Variants in LPP observed in about 807,000 individuals in gnomAD.
LPP encodes LIM domain containing preferred translocation partner in lipoma.
In LPP, 38 loss-of-function variants were observed where a neutral mutation model predicts 60.4. The observed-to-expected ratio is 0.63, with a 90% confidence interval of 0.49 to 0.83. LPP has a LOEUF of 0.83. Among genes scored for constraint, LPP ranks in the 40% least tolerant of loss-of-function variants. The pLI, the probability that LPP is intolerant of heterozygous loss-of-function variation, is 0.00. For missense variants in LPP, 902 were observed against 783.6 expected, an observed-to-expected ratio of 1.15 and a Z score of -1.80; for synonymous variants, 328 against 290.8, an observed-to-expected ratio of 1.13 and a Z score of -1.30.
chr3:188,505,882 A>G (rs1813311887), intron 5 of LPP, among the ~76,000 whole-genome samples: 1 of 152,130 alleles, frequency 6.6e-6, no homozygotes, highest in Non-Finnish European at 1.5e-5. Context: ...GCTTTTCCAC[A>G]TTAAATTTCT....
intron 3 of LPP, among the ~76,000 whole-genome samples, chr3:188,346,980 G>C (rs529696119): frequency 6.6e-6 from 1 of 152,238 alleles, no homozygotes; most frequent in South Asian, 2.1e-4. Flanking sequence ...ATTCACTCAT[G>C]CATTCAAATT....
intron 2 of LPP, among the ~76,000 whole-genome samples, chr3:188,305,437 G>A (rs564345709): frequency 6.6e-6 from 1 of 152,174 alleles, no homozygotes; most frequent in Non-Finnish European, 1.5e-5. Flanking sequence ...ATCTGAGATA[G>A]GTACAAATAA....
At chr3:188,785,547 T>TATATATATATATACACAC (rs1206082559) in intron 9 of LPP, among the ~76,000 whole-genome samples, 540 of 43,832 alleles carry the variant, frequency 0.012, 92 homozygotes, top group African/African-American at 0.038. Context: ...TATATATATA[T>TATATATATATATACACAC]ACACACACAC....
chr3:188,542,677 A>G (rs1825537560), intron 6 of LPP, among the ~76,000 whole-genome samples: 1 of 152,178 alleles, frequency 6.6e-6, no homozygotes, highest in Admixed American at 6.5e-5. Context: ...ACATGTATTA[A>G]GAATGAAGTG....
chr3:188,854,132 C>T (rs754191880), intron 9 of LPP, among the ~76,000 whole-genome samples: 2 of 152,158 alleles, frequency 1.3e-5, no homozygotes, highest in African/African-American at 4.8e-5. Flanking sequence ...AGTCCACCAC[C>T]CTTTTGCAAC....
chr3:188,684,120 C>T (rs550719153), intron 7 of LPP, among the ~76,000 whole-genome samples: 3 of 152,210 alleles, frequency 2.0e-5, no homozygotes, highest in Admixed American at 6.5e-5. Context: ...ACCATTCTTA[C>T]TGCACTGAGT....
chr3:188,672,812 G>A (rs560771030), intron 7 of LPP, among the ~76,000 whole-genome samples: 2 of 152,266 alleles, frequency 1.3e-5, no homozygotes, highest in South Asian at 4.1e-4. Context: ...CAAGACAATA[G>A]TATGTTTTCT....
chr3:188,847,377 A>G (rs984653106), intron 9 of LPP, among the ~76,000 whole-genome samples: 10 of 152,224 alleles, frequency 6.6e-5, no homozygotes, highest in African/African-American at 2.4e-4. Context: ...TGTGTCATGG[A>G]TGAAAGAGAT....
In LPP at chr3:188,571,439, G is replaced by A. The variant is rs1417664619; in HGVS notation, c.430-37722G>A. ...TCTTTCTAGGATCACAAAAAAAAAAGAACCCCTGAGGTCTTTCTACTTGTT... is the reference window on the plus strand; with the variant it reads ...TCTTTCTAGGATCACAAAAAAAAAAAAACCCCTGAGGTCTTTCTACTTGTT... On this transcript the variant is annotated intron_variant, in intron 6 of 11. Transcript: ENST00000617246. 1.4e-5 allele frequency among the ~76,000 whole-genome samples: 2 copies of A among 147,354 alleles called. 1 individual carries two copies. The highest frequency in any genetic ancestry group is 4.2e-4 in the South Asian group (2 of 4,746).
At chr3:188,174,078 T>C (rs939929813) in intron 1 of LPP, among the ~76,000 whole-genome samples, 10 of 152,206 alleles carry the variant, frequency 6.6e-5, no homozygotes, top group Non-Finnish European at 1.0e-4. Flanking sequence ...TAGTAGGTTC[T>C]CAATCAATGT....
intron 7 of LPP, among the ~76,000 whole-genome samples, chr3:188,671,775 A>G (rs1857003209): frequency 6.6e-6 from 1 of 152,146 alleles, no homozygotes; most frequent in South Asian, 2.1e-4. Context: ...AAATTACTAT[A>G]CTAGGCACCC....
chr3:188,533,070 G>C (rs188328902), intron 6 of LPP, among the ~76,000 whole-genome samples: 1 of 152,124 alleles, frequency 6.6e-6, no homozygotes, highest in African/African-American at 2.4e-5. Context: ...AATGTATGAG[G>C]CAACCTGAGA....
At chr3:188,541,103 T>C (rs1825033793) in intron 6 of LPP, among the ~76,000 whole-genome samples, 1 of 152,246 alleles carries the variant, frequency 6.6e-6, no homozygotes, top group Non-Finnish European at 1.5e-5. Context: ...TATTAATTTG[T>C]CACAATTTAC....
At chr3:188,531,798 C>T (rs1822249838) in intron 6 of LPP, among the ~76,000 whole-genome samples, 1 of 152,126 alleles carries the variant, frequency 6.6e-6, no homozygotes, top group African/African-American at 2.4e-5. Context: ...TGTAAGTAAG[C>T]ATTTCCCTGA....
At chr3:188,374,348 T>A (rs1458093498) in intron 3 of LPP, among the ~76,000 whole-genome samples, 1 of 152,178 alleles carries the variant, frequency 6.6e-6, no homozygotes, top group Non-Finnish European at 1.5e-5. Flanking sequence ...GAGCATGGAA[T>A]GTTCTTCCAT....
intron 3 of LPP, among the ~76,000 whole-genome samples, chr3:188,384,633 T>C (rs9848000): frequency 6.6e-6 from 1 of 151,072 alleles, no homozygotes; most frequent in East Asian, 2.0e-4. Context: ...CTACTAAAAA[T>C]TCAAAAATCA....
chr3:188,759,102 G>A (rs986038201), intron 8 of LPP, among the ~76,000 whole-genome samples: 19 of 152,210 alleles, frequency 1.2e-4, no homozygotes, highest in African/African-American at 3.6e-4. Flanking sequence ...TGGACGTGAC[G>A]TCTAGCTCAA....
At chr3:188,238,600 G>T (rs73059610) in intron 2 of LPP, among the ~76,000 whole-genome samples, 2,522 of 152,236 alleles carry the variant, frequency 0.017, 63 homozygotes, top group African/African-American at 0.055. Flanking sequence ...AGGGTCCAAG[G>T]AGAGACGTGG....
intron 3 of LPP, among the ~76,000 whole-genome samples, chr3:188,378,670 T>C (rs2378415): frequency 0.87 from 132,538 of 151,998 alleles, 59,433 homozygotes; most frequent in Non-Finnish European, 0.97. Context: ...CTGGGTGAGG[T>C]GATGCCTCAC....
Sources: gnomAD v4.1 joint callset for allele counts (sites outside exome capture counted in the v4.1 genomes callset) on GRCh38, gnomAD v4.1.1 for gene constraint, MANE v1.5 for transcripts, NCBI Gene and HGNC (gene_info 2026-07-23, HGNC 2026-07-21) for gene names.